Variants in DNAJC17 observed in about 807,000 individuals in gnomAD.
DNAJC17 encodes the protein dnaJ homolog subfamily C member 17.
In DNAJC17, 35 loss-of-function variants were observed where a neutral mutation model predicts 48.1. The observed-to-expected ratio is 0.73, with a 90% CI of 0.56 to 0.96. The LOEUF is 0.96. Ranked by LOEUF, DNAJC17 falls within the 50% of genes least tolerant of loss-of-function variation. The probability of loss-of-function intolerance (pLI) is 0.00; values close to 1 mark genes in which losing one functional copy is unlikely to be tolerated. For synonymous variants in DNAJC17, 117 were observed against 142.7 expected (o/e 0.82, Z 1.28); for missense variants, 355 against 377.1 (o/e 0.94, Z 0.48).
At chr15:40,773,542 C>T (rs1422447421) in intron 10 of DNAJC17, among the ~76,000 whole-genome samples, 185 bp downstream of exon 10, 1 of 152,184 alleles carries the variant, frequency 6.6e-6, no homozygotes, top group Admixed American at 6.5e-5. Context: ...GGTGGGGCCT[C>T]TCTGGCCCTC....
At chr15:40,775,275 G>T in intron 7 of DNAJC17, 167 bp from the exon 8 acceptor site, 1 of 805,254 alleles carries the variant, frequency 1.2e-6, no homozygotes, top group Non-Finnish European at 2.0e-6. Flanking sequence ...CTTGAAGGCA[G>T]GATGGCCTGC....
Position 40,767,409 on chromosome 15 carries a change from C to A in DNAJC17, c.*531G>T. 6.6e-7 allele frequency: 1 copy of A among 1,503,976 alleles called. No individual in the cohort carries two copies. The highest frequency in any genetic ancestry group is 8.9e-7 in the Non-Finnish European group (1 of 1,121,692). 93.2% of individuals were successfully genotyped at this position (1,503,976 alleles called of 1,614,324 possible). A position where few individuals can be genotyped will look rare whatever the true frequency, so the allele number is the denominator to read the frequency against. ...GTGGAGGGGCTGCTGTGGGCCCTGA[C>A]CTCCAAGCTCCTGCCTCACCGTCTG... On this transcript the variant is annotated 3_prime_UTR_variant, in exon 11 of 11. Transcript: ENST00000220496.
chr15:40,802,635 G>A (rs1023449767), intron 1 of DNAJC17, among the ~76,000 whole-genome samples: 1 of 152,132 alleles, frequency 6.6e-6, no homozygotes, highest in Non-Finnish European at 1.5e-5. Context: ...CAGGGCCAGG[G>A]AGCCTTAGCA....
chr15:40,775,729 G>T, intron 6 of DNAJC17, 133 bp from the exon 7 acceptor site: 13 of 901,750 alleles, frequency 1.4e-5, no homozygotes, highest in Non-Finnish European at 2.3e-5. Flanking sequence ...CCCAGCTCTG[G>T]TGAGGGCCTG....
At chr15:40,777,198 G>T (rs1889351954) in intron 4 of DNAJC17, among the ~76,000 whole-genome samples, 1 of 152,032 alleles carries the variant, frequency 6.6e-6, no homozygotes, top group African/African-American at 2.4e-5. Flanking sequence ...CATGTGCCAG[G>T]CCAGCTGCTG....
intron 10 of DNAJC17, chr15:40,772,372 T>G (rs1279366450): frequency 1.2e-5 from 2 of 167,170 alleles, no homozygotes; most frequent in Non-Finnish European, 2.9e-5. Flanking sequence ...CCTAAATCAG[T>G]GGCCTCCCTC....
chr15:40,792,486 G>T (rs1348882115), intron 1 of DNAJC17: 1 of 985,248 alleles, frequency 1.0e-6, no homozygotes, highest in Non-Finnish European at 1.2e-6. Context: ...ACCCTTCAAA[G>T]GGCTTCAAAT....
chr15:40,800,475 T>G (rs1390166891), intron 1 of DNAJC17, among the ~76,000 whole-genome samples: 1 of 151,808 alleles, frequency 6.6e-6, no homozygotes, highest in Non-Finnish European at 1.5e-5. Context: ...TCTATTGAGA[T>G]TGTCTTTTTC....
At chr15:40,773,432 A>G (rs889746051) in intron 10 of DNAJC17, among the ~76,000 whole-genome samples, 2 of 152,162 alleles carry the variant, frequency 1.3e-5, no homozygotes, top group Admixed American at 6.5e-5. Flanking sequence ...ACACACCACA[A>G]CCAAGCAACC....
chr15:40,802,587 G>A (rs1240824706), intron 1 of DNAJC17, among the ~76,000 whole-genome samples: 1 of 152,152 alleles, frequency 6.6e-6, no homozygotes, highest in Non-Finnish European at 1.5e-5. Context: ...AGTTAAATTT[G>A]GTGGTGGTGC....
At chr15:40,799,195 A>C (rs930472795) in intron 1 of DNAJC17, among the ~76,000 whole-genome samples, 1 of 146,958 alleles carries the variant, frequency 6.8e-6, no homozygotes, top group Admixed American at 6.9e-5. Flanking sequence ...ACTGCACTCC[A>C]GCCTGAGCGA....
chr15:40,794,871 C>A (rs1345232982), intron 1 of DNAJC17, among the ~76,000 whole-genome samples: 2 of 151,984 alleles, frequency 1.3e-5, no homozygotes, highest in African/African-American at 4.8e-5. Context: ...GCGCCTGCCA[C>A]CAAGCCCAGC....
chr15:40,791,332 A>G (rs551671572), intron 1 of DNAJC17, among the ~76,000 whole-genome samples: 2 of 152,344 alleles, frequency 1.3e-5, no homozygotes, highest in South Asian at 4.1e-4. Context: ...TTTTGAGACC[A>G]GCCTGGCCAA....
rs762970580 is a variant in DNAJC17, at chr15:40,775,209, C to G, written c.523-101G>C. ...AGCAGACATCCTCCCACCCTCCAAGCCTCCAAGGCTCCTGCAATCTGGGGA... is the reference window on the plus strand; with the variant it reads ...AGCAGACATCCTCCCACCCTCCAAGGCTCCAAGGCTCCTGCAATCTGGGGA... On this transcript the variant is annotated intron_variant, in intron 7 of 10. Transcript: ENST00000220496. 8.9e-5 allele frequency: 116 copies of G among 1,304,052 alleles called. 1 individual carries two copies. The highest frequency in any genetic ancestry group is 1.2e-4 in the Non-Finnish European group (108 of 914,138). 80.8% of individuals were successfully genotyped at this position (1,304,052 alleles called of 1,614,324 possible).
chr15:40,796,544 C>T (rs1455418821), intron 1 of DNAJC17, among the ~76,000 whole-genome samples: 2 of 152,208 alleles, frequency 1.3e-5, no homozygotes, highest in East Asian at 3.9e-4. Flanking sequence ...AAAAAAATCA[C>T]AGGAGGCCCA....
At chr15:40,790,738 A>G (rs946806905) in intron 1 of DNAJC17, among the ~76,000 whole-genome samples, 1 of 152,200 alleles carries the variant, frequency 6.6e-6, no homozygotes, top group Non-Finnish European at 1.5e-5. Flanking sequence ...TCATCAAATG[A>G]GATAATTTAT....
intron 2 of DNAJC17, 26 bp downstream of exon 2, chr15:40,779,902 T>C: frequency 6.2e-7 from 1 of 1,610,488 alleles, no homozygotes; most frequent in East Asian, 2.2e-5. Flanking sequence ...GGTTTCTTTC[T>C]CCCCACGCCC....
chr15:40,787,158 T>A lies in DNAJC17; in HGVS notation c.79-7161A>T, dbSNP rs147300469. Among the ~76,000 whole-genome samples the A allele has an allele frequency of 3.3e-5, 5 of 152,302 alleles. No homozygotes were observed. The South Asian group carries it at 6.2e-4, about 19-fold the overall frequency. ...TTCTGGTATGGTCTAGAGAAACAGA[T>A]AAGCTGGTTATAACTATACCTTAAA... On this transcript the variant is annotated intron_variant, in intron 1 of 10. Coordinates refer to ENST00000220496, the MANE Select transcript of DNAJC17 (RefSeq NM_018163.3).
intron 1 of DNAJC17, chr15:40,780,523 G>A: frequency 5.5e-6 from 2 of 366,198 alleles, no homozygotes; most frequent in South Asian, 4.1e-5. Flanking sequence ...TCATTTAAAA[G>A]ATTATGATTG....
Sources: allele counts gnomAD v4.1 joint callset (sites outside exome capture counted in the v4.1 genomes callset), GRCh38; gene constraint gnomAD v4.1.1; transcripts MANE v1.5; gene names NCBI Gene and HGNC (gene_info 2026-07-23, HGNC 2026-07-21).